Variants in MAST2 observed in about 807,000 individuals in gnomAD.
MAST2 encodes microtubule associated serine/threonine kinase 2.
A neutral mutation model predicts 147.4 loss-of-function variants in MAST2; 70 were observed. That is an observed-to-expected ratio of 0.47 (90% CI 0.39 to 0.58). The LOEUF is 0.58. Ranked by LOEUF, MAST2 falls within the 20% of genes least tolerant of loss-of-function variation. The pLI is 0.00. For synonymous variants in MAST2, 869 were observed against 896.8 expected, an observed-to-expected ratio of 0.97 and a Z score of 0.55; for missense variants, 2,080 against 2,302.3, an observed-to-expected ratio of 0.90 and a Z score of 1.98.
At chr1:45,917,272 A>G (rs1652689492) in intron 4 of MAST2, 1 of 1,143,978 alleles carries the variant, frequency 8.7e-7, no homozygotes, top group Non-Finnish European at 1.2e-6. Context: ...GCCACTTTGA[A>G]TATGTTTCTT....
chr1:46,012,331 C>T (rs928658639), intron 10 of MAST2, among the ~76,000 whole-genome samples: 4 of 152,142 alleles, frequency 2.6e-5, no homozygotes, highest in Non-Finnish European at 5.9e-5. Context: ...CCCAGATTGA[C>T]TGCTTGTGTG....
At chr1:45,893,330 A>G (rs1442557984) in intron 4 of MAST2, among the ~76,000 whole-genome samples, 1 of 151,958 alleles carries the variant, frequency 6.6e-6, no homozygotes, top group East Asian at 1.9e-4. Context: ...CTTCTCAGGT[A>G]GCTGGGACTG....
chr1:45,954,553 G>A (rs967078118), intron 4 of MAST2, among the ~76,000 whole-genome samples: 4 of 152,234 alleles, frequency 2.6e-5, no homozygotes, highest in Admixed American at 6.5e-5. Flanking sequence ...CCACCCGTCC[G>A]CTGAGAGTTA....
At chr1:45,838,930 A>G (rs1645186537) in intron 3 of MAST2, among the ~76,000 whole-genome samples, 1 of 152,152 alleles carries the variant, frequency 6.6e-6, no homozygotes, top group Non-Finnish European at 1.5e-5. Flanking sequence ...ACCTAAATGA[A>G]TGGAGAGATA....
intron 4 of MAST2, among the ~76,000 whole-genome samples, chr1:45,884,348 G>T (rs916335369): frequency 2.6e-5 from 4 of 152,072 alleles, no homozygotes; most frequent in African/African-American, 9.7e-5. Flanking sequence ...AGTAGTTCGA[G>T]ACCAGCCTGA....
In MAST2 at chr1:46,033,810, C is replaced by A; in HGVS notation, c.3546C>A (p.Asn1182Lys). 1 of 1,614,098 alleles carries A rather than the reference C, an allele frequency of 6.2e-7. No individual in the cohort carries two copies. Among genetic ancestry groups the A allele is most frequent in the Non-Finnish European group, 8.5e-7 (1 of 1,179,990 alleles). Residue 1182 changes from asparagine (N) to lysine (K), a missense_variant, in exon 27 of 29, where the codon AAC (asparagine) becomes AAA (lysine). Physicochemically the swap from Asn to Lys is moderately conservative, Grantham distance 94. Coordinates refer to ENST00000361297, the MANE Select transcript of MAST2 (RefSeq NM_015112.3). ...EVVELILKSG[N>K]KVAISTTPLE... ...CATGCTCTGCTCCCCAGAGTGGAAACAAGGTGGCCATTTCAACAACTCCCC... is the reference window on the plus strand; with the variant it reads ...CATGCTCTGCTCCCCAGAGTGGAAAAAAGGTGGCCATTTCAACAACTCCCC...
intron 3 of MAST2, among the ~76,000 whole-genome samples, chr1:45,856,142 G>T (rs926626378): frequency 6.6e-6 from 1 of 152,116 alleles, no homozygotes; most frequent in Non-Finnish European, 1.5e-5. Context: ...GAAGATACAG[G>T]GCTTGGTACA....
At chr1:45,902,153 T>A (rs1287140881) in intron 4 of MAST2, among the ~76,000 whole-genome samples, 1 of 152,228 alleles carries the variant, frequency 6.6e-6, no homozygotes, top group Admixed American at 6.5e-5. Flanking sequence ...TGAGGTGTCT[T>A]CCTTCAATGC....
chr1:45,936,355 C>G (rs1199712816), intron 4 of MAST2, among the ~76,000 whole-genome samples: 3 of 152,056 alleles, frequency 2.0e-5, no homozygotes, highest in Non-Finnish European at 4.4e-5. Flanking sequence ...GAGAGTTTGC[C>G]TTTTGTTTCT....
At chr1:45,997,639 T>A (rs1024429951) in intron 5 of MAST2, 85 bp from the exon 6 acceptor site, 9 of 918,148 alleles carry the variant, frequency 9.8e-6, no homozygotes, top group Non-Finnish European at 1.6e-5. Flanking sequence ...TTGCCAGTGC[T>A]AGGGGAATAT....
chr1:46,030,827 A>G (rs1433272741), intron 22 of MAST2, 66 bp downstream of exon 22: 3 of 1,491,862 alleles, frequency 2.0e-6, no homozygotes, highest in Non-Finnish European at 2.7e-6. Flanking sequence ...AGATCATGGG[A>G]GAGATTCCGA....
At chr1:45,866,960 A>G (rs1437008903) in intron 3 of MAST2, among the ~76,000 whole-genome samples, 1 of 152,126 alleles carries the variant, frequency 6.6e-6, no homozygotes, top group Non-Finnish European at 1.5e-5. Context: ...CATGTTGGCC[A>G]GCCGGGTCTC....
intron 4 of MAST2, among the ~76,000 whole-genome samples, chr1:45,949,101 A>AGGCCGGGCGCGGTGGCTCACG (rs1553242194): frequency 6.6e-6 from 1 of 152,056 alleles, no homozygotes; most frequent in Non-Finnish European, 1.5e-5. Context: ...TGCGTTAAAG[A>AGGCCGGGCGCGGTGGCTCACG]CTTAAACGTA....
intron 15 of MAST2, 26 bp downstream of exon 15, chr1:46,024,006 T>G: frequency 6.2e-7 from 1 of 1,608,414 alleles, no homozygotes; most frequent in South Asian, 1.1e-5. Flanking sequence ...TGGCCTGGCA[T>G]GGAGGCCAAG....
chr1:45,948,706 CAAAAAAAAAAA>C lies in MAST2; in HGVS notation c.501-10663_501-10653del, dbSNP rs34012353. 1.1e-3 allele frequency among the ~76,000 whole-genome samples: 43 copies of C among 40,240 alleles called. 2 individuals are homozygous for C. Among genetic ancestry groups the C allele is most frequent in the African/African-American group, 3.2e-3 (28 of 8,830 alleles). 26.4% of individuals were successfully genotyped at this position (40,240 alleles called of 152,430 possible). A position where few individuals can be genotyped will look rare whatever the true frequency, so the allele number is the denominator to read the frequency against. ...TGGGCGACAGAGTGAGACTCCATCT[CAAAAAAAAAAA>C]AAAAAAAAAAAAAAAAGTCATATGG... On this transcript the variant is annotated intron_variant, in intron 4 of 28. Coordinates refer to ENST00000361297, the MANE Select transcript of MAST2 (RefSeq NM_015112.3).
At chr1:45,922,174 A>G (rs1278345318) in intron 4 of MAST2, among the ~76,000 whole-genome samples, 1 of 152,146 alleles carries the variant, frequency 6.6e-6, no homozygotes, top group Non-Finnish European at 1.5e-5. Flanking sequence ...TATGGGCCTC[A>G]GAGGGGAGGA....
intron 16 of MAST2, among the ~76,000 whole-genome samples, chr1:46,026,678 TAAAGG>T (rs1008592071): frequency 4.0e-5 from 6 of 150,540 alleles, no homozygotes; most frequent in Admixed American, 1.3e-4. Flanking sequence ...TGGGGAAGTA[TAAAGG>T]AAAGAGGATC....
intron 4 of MAST2, among the ~76,000 whole-genome samples, chr1:45,886,192 T>C (rs1157978200): frequency 6.7e-6 from 1 of 150,134 alleles, no homozygotes; most frequent in Non-Finnish European, 1.5e-5. Flanking sequence ...CTGGAATGAG[T>C]GATACTGAGA....
At chr1:45,957,867 G>A (rs746025645) in intron 4 of MAST2, among the ~76,000 whole-genome samples, 1 of 152,198 alleles carries the variant, frequency 6.6e-6, no homozygotes. Flanking sequence ...CCCAGGTGCA[G>A]TTGCAAAATA....
Sources: gnomAD v4.1 joint callset for allele counts (sites outside exome capture counted in the v4.1 genomes callset) on GRCh38, gnomAD v4.1.1 for gene constraint, MANE v1.5 for transcripts, NCBI Gene and HGNC (gene_info 2026-07-23, HGNC 2026-07-21) for gene names.